The following PDE4D variants were observed in gnomAD, a reference collection of about 807,000 sequenced individuals.
PDE4D encodes the protein 3',5'-cyclic-AMP phosphodiesterase 4D.
A neutral mutation model predicts 87.4 loss-of-function variants in PDE4D; 24 were observed. That is an observed-to-expected ratio of 0.27 (90% CI 0.20 to 0.39). The LOEUF (loss-of-function observed/expected upper bound fraction) is 0.39, where lower values mean the gene tolerates loss of function less well. Ranked by LOEUF, PDE4D falls within the 10% of genes least tolerant of loss-of-function variation. The probability of loss-of-function intolerance (pLI) is 1.00; values close to 1 mark genes in which losing one functional copy is unlikely to be tolerated. For synonymous variants in PDE4D, 384 were observed against 383.2 expected, an observed-to-expected ratio of 1.00 and a Z score of -0.02; for missense variants, 714 against 1,041.0, an observed-to-expected ratio of 0.69 and a Z score of 4.32.
intron 1 of PDE4D, among the ~76,000 whole-genome samples, chr5:59,256,551 C>CA (rs1031893185): frequency 2.2e-4 from 34 of 151,686 alleles, no homozygotes; most frequent in African/African-American, 6.5e-4. Context: ...AAACTGTTGT[C>CA]AAAAAAAATT....
chr5:60,315,846 A>G (rs111330442), intron 1 of PDE4D, among the ~76,000 whole-genome samples: 8,286 of 150,852 alleles, frequency 0.055, 780 homozygotes, highest in African/African-American at 0.2. Flanking sequence ...ATTGGTCTAT[A>G]TCTCTGTTTT....
chr5:59,547,750 T>C (rs1056047120), intron 1 of PDE4D, among the ~76,000 whole-genome samples: 3 of 152,154 alleles, frequency 2.0e-5, no homozygotes, highest in Non-Finnish European at 2.9e-5. Flanking sequence ...TCATGCATCT[T>C]CTCCTCTTAT....
At chr5:59,221,248 CT>C (rs1319472847) in intron 1 of PDE4D, among the ~76,000 whole-genome samples, 1 of 152,114 alleles carries the variant, frequency 6.6e-6, no homozygotes, top group Non-Finnish European at 1.5e-5. Context: ...ACAAGAATAC[CT>C]TTTAGCTTCC....
intron 2 of PDE4D, among the ~76,000 whole-genome samples, chr5:60,042,117 G>A (rs895748655): frequency 1.3e-5 from 2 of 152,118 alleles, no homozygotes; most frequent in Non-Finnish European, 2.9e-5. Flanking sequence ...TGAGCTTGGT[G>A]AGGGGAGGGG....
chr5:59,875,985 G>A (rs989845354), intron 1 of PDE4D, among the ~76,000 whole-genome samples: 9 of 152,066 alleles, frequency 5.9e-5, no homozygotes, highest in Admixed American at 2.0e-4. Flanking sequence ...AGGAGGGAGA[G>A]GATCAAGAAA....
At chr5:60,126,079 C>T (rs1779098538) in intron 2 of PDE4D, among the ~76,000 whole-genome samples, 2 of 152,086 alleles carry the variant, frequency 1.3e-5, no homozygotes, top group South Asian at 4.1e-4. Flanking sequence ...CCATTAGCTT[C>T]AGAAGATTTG....
At chr5:59,920,560 G>A (rs1754551159) in intron 3 of PDE4D, among the ~76,000 whole-genome samples, 1 of 152,134 alleles carries the variant, frequency 6.6e-6, no homozygotes, top group African/African-American at 2.4e-5. Flanking sequence ...GAGTTAGTTG[G>A]AAGATAGTCC....
intron 1 of PDE4D, among the ~76,000 whole-genome samples, chr5:59,442,835 GC>G: frequency 6.6e-6 from 1 of 152,254 alleles, no homozygotes; most frequent in East Asian, 1.9e-4. Context: ...CAGAGGAAAA[GC>G]CCAAGCTAAG....
chr5:60,429,834 GTTTT>G (rs371387651), intron 1 of PDE4D: 20 of 292,498 alleles, frequency 6.8e-5, no homozygotes, highest in African/African-American at 3.2e-4. Context: ...TGGTGGATTA[GTTTT>G]TTTTTTTTTG....
At position 59,593,545 on chromosome 5, in the gene PDE4D, G is replaced by A. The variant is rs111722783; in HGVS notation, c.455+299623C>T. On this transcript the variant is annotated intron_variant, in intron 1 of 14. Coordinates refer to ENST00000340635, the MANE Select transcript of PDE4D (RefSeq NM_001104631.2). ...TCCTCACATAAGGAGCTTGGAAGTT[G>A]CCAATCTGTCCTAACAACAAAAAAG... is the stretch of plus-strand genomic sequence containing the variant. 6.8e-3 allele frequency among the ~76,000 whole-genome samples: 1,039 copies of A among 152,232 alleles called. 10 individuals are homozygous for A. The highest frequency in any genetic ancestry group is 0.023 in the African/African-American group (959 of 41,538).
intron 1 of PDE4D, among the ~76,000 whole-genome samples, chr5:59,712,112 C>T (rs1392073761): frequency 6.6e-6 from 1 of 151,952 alleles, no homozygotes; most frequent in African/African-American, 2.4e-5. Context: ...CAAACTGATG[C>T]TTCTTTTCTA....
intron 1 of PDE4D, among the ~76,000 whole-genome samples, chr5:59,318,776 T>C (rs1774190946): frequency 6.6e-6 from 1 of 152,126 alleles, no homozygotes; most frequent in Admixed American, 6.6e-5. Context: ...GTTTTTGTAA[T>C]TAGCAACTGT....
intron 5 of PDE4D, among the ~76,000 whole-genome samples, chr5:59,056,370 G>T (rs1471973815): frequency 1.3e-5 from 2 of 152,128 alleles, no homozygotes; most frequent in East Asian, 3.9e-4. Flanking sequence ...GTCTAAAAGT[G>T]CAGAAACTCA....
chr5:59,868,803 G>T (rs1171004488), intron 1 of PDE4D, among the ~76,000 whole-genome samples: 1 of 152,102 alleles, frequency 6.6e-6, no homozygotes, highest in African/African-American at 2.4e-5. Context: ...TCTCACACTG[G>T]CTAAACAAGA....
intron 1 of PDE4D, among the ~76,000 whole-genome samples, chr5:60,336,271 C>A (rs143890899): frequency 1.5e-3 from 234 of 152,268 alleles, no homozygotes; most frequent in Non-Finnish European, 2.9e-3. Flanking sequence ...GCTCAGTAAG[C>A]CCTTTTGTTC....
chr5:60,441,207 A>G (rs1455824620), intron 1 of PDE4D, among the ~76,000 whole-genome samples: 2 of 152,198 alleles, frequency 1.3e-5, no homozygotes, highest in Non-Finnish European at 2.9e-5. Flanking sequence ...GGCTACAGTA[A>G]CCAAAATAGC....
chr5:59,297,932 CAGTAAATCTTGATGAA>C (rs897242233), intron 1 of PDE4D, among the ~76,000 whole-genome samples: 2 of 151,832 alleles, frequency 1.3e-5, no homozygotes, highest in Non-Finnish European at 2.9e-5. Context: ...GTTATTCTAT[CAGTAAATCTTGATGAA>C]AAGACTTGAG....
intron 2 of PDE4D, chr5:59,215,353 A>C: frequency 5.6e-6 from 1 of 179,322 alleles, no homozygotes. Context: ...AAATATATTC[A>C]AAATGCTATA....
At chr5:60,036,060 T>A (rs1267393506) in intron 2 of PDE4D, among the ~76,000 whole-genome samples, 1 of 152,238 alleles carries the variant, frequency 6.6e-6, no homozygotes, top group East Asian at 1.9e-4. Context: ...AAAGTTTGGC[T>A]GGAAATATTA....
Sources: gnomAD v4.1 joint callset for allele counts (sites outside exome capture counted in the v4.1 genomes callset) on GRCh38, gnomAD v4.1.1 for gene constraint, MANE v1.5 for transcripts, NCBI Gene and HGNC (gene_info 2026-07-23, HGNC 2026-07-21) for gene names.